Variants in ABAT observed in about 807,000 individuals in gnomAD.
ABAT encodes 4-aminobutyrate aminotransferase, mitochondrial.
Under a neutral mutation model 64.6 loss-of-function variants are expected in ABAT, and 45 were observed. That is an observed-to-expected ratio of 0.70 (90% CI 0.55 to 0.89). The LOEUF is 0.89. Among genes scored for constraint, ABAT ranks in the 40% least tolerant of loss-of-function variants. The probability of loss-of-function intolerance (pLI) is 0.00; values close to 1 mark genes in which losing one functional copy is unlikely to be tolerated. For missense variants in ABAT, 633 were observed against 658.4 expected (o/e 0.96, Z 0.42); for synonymous variants, 297 against 250.5 (o/e 1.19, Z -1.75).
At chr16:8,695,457 G>C in intron 1 of ABAT, among the ~76,000 whole-genome samples, 1 of 152,166 alleles carries the variant, frequency 6.6e-6, no homozygotes, top group East Asian at 1.9e-4. Flanking sequence ...AGAAAAACTA[G>C]GCAGCCAGAC....
intron 1 of ABAT, chr16:8,683,551 TA>T (rs145313959): frequency 5.1e-4 from 69 of 135,864 alleles, no homozygotes; most frequent in Admixed American, 8.1e-4. Context: ...ACCCTGTTTC[TA>T]AAAAAAAAAA....
intron 1 of ABAT, among the ~76,000 whole-genome samples, chr16:8,710,727 A>AGAGAGAGGGAGAGGGAGAGGGAGG (rs146344975): frequency 1.9e-5 from 2 of 103,690 alleles, no homozygotes; most frequent in African/African-American, 6.3e-5. Flanking sequence ...AGAGAGAGAG[A>AGAGAGAGGGAGAGGGAGAGGGAGG]GAGGAAATAG....
At chr16:8,702,483 C>A (rs535178267) in intron 1 of ABAT, among the ~76,000 whole-genome samples, 1 of 152,114 alleles carries the variant, frequency 6.6e-6, no homozygotes, top group African/African-American at 2.4e-5. Flanking sequence ...GAACTCCTGA[C>A]CTCAAGTAAT....
chr16:8,733,085 C>G (rs1413621767), intron 1 of ABAT, among the ~76,000 whole-genome samples: 1 of 144,874 alleles, frequency 6.9e-6, no homozygotes, highest in South Asian at 2.1e-4. Flanking sequence ...CTGACCCCCC[C>G]ACCTCCCTCC....
At chr16:8,738,621 TGTTTTTG>T (rs2059060124) in intron 2 of ABAT, among the ~76,000 whole-genome samples, 41 of 135,080 alleles carry the variant, frequency 3.0e-4, no homozygotes, top group African/African-American at 5.7e-4. Flanking sequence ...TTTTTGTTTT[TGTTTTTG>T]TTTTTTTTTT....
At chr16:8,763,890 C>A (rs1234787041) in intron 6 of ABAT, among the ~76,000 whole-genome samples, 179 bp from the exon 7 acceptor site, 2 of 152,200 alleles carry the variant, frequency 1.3e-5, no homozygotes, top group African/African-American at 4.8e-5. Flanking sequence ...CACAGCAATC[C>A]TAGTGGATTT....
At chr16:8,751,091 G>A (rs989812053) in intron 5 of ABAT, among the ~76,000 whole-genome samples, 2 of 151,898 alleles carry the variant, frequency 1.3e-5, no homozygotes, top group Non-Finnish European at 2.9e-5. Flanking sequence ...TGGGATTACA[G>A]GCACACGCCA....
rs1160900538 is a variant in ABAT at position 8,700,100 on chromosome 16, T to C, written c.-42+25389T>C. 1.3e-5 allele frequency among the ~76,000 whole-genome samples: 2 copies of C among 151,976 alleles called. 1 individual carries two copies. The highest frequency in any genetic ancestry group is 2.9e-5 in the Non-Finnish European group (2 of 67,962). ...CCTCCCAAAGTGCTGGGATTACAGGTGTGAGCCACCATGCCCAGCCTGCAG... is the reference window on the plus strand; with the variant it reads ...CCTCCCAAAGTGCTGGGATTACAGGCGTGAGCCACCATGCCCAGCCTGCAG... On this transcript the variant is annotated intron_variant, in intron 1 of 15. Coordinates refer to ENST00000268251, the MANE Select transcript of ABAT (RefSeq NM_020686.6).
At chr16:8,758,912 G>C (rs2059719109) in intron 6 of ABAT, among the ~76,000 whole-genome samples, 2 of 152,070 alleles carry the variant, frequency 1.3e-5, no homozygotes, top group African/African-American at 4.8e-5. Context: ...GACCAGCCTG[G>C]CCAGCATGGT....
chr16:8,731,245 G>A (rs1036373939), intron 1 of ABAT, among the ~76,000 whole-genome samples: 10 of 152,176 alleles, frequency 6.6e-5, no homozygotes, highest in African/African-American at 1.9e-4. Context: ...TTACAGGAGT[G>A]AGCCACCCTG....
At chr16:8,745,649 G>A (rs1348535846) in intron 2 of ABAT, among the ~76,000 whole-genome samples, 1 of 151,990 alleles carries the variant, frequency 6.6e-6, no homozygotes, top group African/African-American at 2.4e-5. Flanking sequence ...AGTGAGCCTT[G>A]TTGGGGCCAA....
At chr16:8,775,533 ACACTGTGTACTGC>A (rs1256211423) in intron 13 of ABAT, among the ~76,000 whole-genome samples, 1 of 147,676 alleles carries the variant, frequency 6.8e-6, no homozygotes, top group Non-Finnish European at 1.5e-5. Context: ...CTTACCCACT[ACACTGTGTACTGC>A]CATGTGTGCA....
intron 1 of ABAT, among the ~76,000 whole-genome samples, chr16:8,708,772 T>C (rs755312833): frequency 6.6e-6 from 1 of 152,248 alleles, no homozygotes; most frequent in Non-Finnish European, 1.5e-5. Context: ...GTTCCCCAGA[T>C]AAATAGCTCC....
At chr16:8,778,776 C>CAA (rs71152934) in intron 14 of ABAT, among the ~76,000 whole-genome samples, 118 of 133,632 alleles carry the variant, frequency 8.8e-4, no homozygotes, top group East Asian at 2.9e-3. Context: ...GACTCCATCT[C>CAA]AAAAAAAAAA....
intron 1 of ABAT, among the ~76,000 whole-genome samples, chr16:8,691,187 T>C (rs999545007): frequency 6.6e-6 from 1 of 152,192 alleles, no homozygotes; most frequent in East Asian, 1.9e-4. Context: ...TGCTTGGTAA[T>C]ATACTGTGTA....
intron 1 of ABAT, among the ~76,000 whole-genome samples, chr16:8,684,909 G>C (rs1277903944): frequency 6.6e-6 from 1 of 152,146 alleles, no homozygotes; most frequent in Non-Finnish European, 1.5e-5. Flanking sequence ...TCAAAACAGA[G>C]GCAAACATGG....
At chr16:8,779,422 C>T (rs907003037) in intron 14 of ABAT, 57 bp from the exon 15 acceptor site, 16 of 1,481,296 alleles carry the variant, frequency 1.1e-5, no homozygotes, top group Middle Eastern at 2.1e-4. Context: ...AGCCATTAAG[C>T]CCAGCTGGTA....
At chr16:8,765,416 C>A (rs1034205583) in intron 8 of ABAT, among the ~76,000 whole-genome samples, 20 of 151,912 alleles carry the variant, frequency 1.3e-4, no homozygotes, top group African/African-American at 4.8e-4. Context: ...GTAATCCCAG[C>A]ACTTCGGGAG....
At chr16:8,733,093 TCCCGGATGGGGCGGCTGGCCG>T (rs1183293643) in intron 1 of ABAT, among the ~76,000 whole-genome samples, 14 of 136,138 alleles carry the variant, frequency 1.0e-4, no homozygotes, top group Admixed American at 2.9e-4. Context: ...CCCACCTCCC[TCCCGGATGGGGCGGCTGGCCG>T]GGCGGGGGGC....
Sources: gnomAD v4.1 joint callset for allele counts (sites outside exome capture counted in the v4.1 genomes callset) on GRCh38, gnomAD v4.1.1 for gene constraint, MANE v1.5 for transcripts, NCBI Gene and HGNC (gene_info 2026-07-23, HGNC 2026-07-21) for gene names.